Variants in RAD51B observed in about 807,000 individuals in gnomAD.
The protein encoded by RAD51B is RAD51 paralog B.
RAD51B carries 38 observed loss-of-function variants against 42.2 expected under a neutral mutation model. The ratio of observed to expected loss-of-function variants is 0.90; its 90% confidence interval spans 0.70 to 1.18. RAD51B has a LOEUF of 1.18. Among genes scored for constraint, RAD51B ranks in the 50% most tolerant of loss-of-function variants. The pLI is 0.00. For missense variants in RAD51B, 373 were observed against 400.7 expected (o/e 0.93, Z 0.59); for synonymous variants, 154 against 145.2 (o/e 1.06, Z -0.43).
intron 7 of RAD51B, among the ~76,000 whole-genome samples, chr14:68,268,168 G>A (rs1054333822): frequency 6.6e-5 from 10 of 152,158 alleles, no homozygotes; most frequent in Non-Finnish European, 1.3e-4. Flanking sequence ...TACCATTCTG[G>A]GAACTATCAC....
intron 7 of RAD51B, among the ~76,000 whole-genome samples, chr14:68,142,884 C>T (rs1362053040): frequency 6.6e-6 from 1 of 151,736 alleles, no homozygotes; most frequent in East Asian, 1.9e-4. Context: ...GAACACATCA[C>T]AGTTTTTATC....
intron 10 of RAD51B, among the ~76,000 whole-genome samples, chr14:68,526,434 G>A (rs1277036695): frequency 6.6e-6 from 1 of 152,204 alleles, no homozygotes; most frequent in Non-Finnish European, 1.5e-5. Context: ...GTCGTTAAGC[G>A]ACATGTGACC....
At chr14:68,210,191 C>T (rs1329517252) in intron 7 of RAD51B, among the ~76,000 whole-genome samples, 1 of 152,070 alleles carries the variant, frequency 6.6e-6, no homozygotes, top group Non-Finnish European at 1.5e-5. Context: ...AACTCCTGAC[C>T]TGAGGTAATC....
intron 7 of RAD51B, among the ~76,000 whole-genome samples, chr14:68,053,942 T>C (rs2140425273): frequency 6.6e-6 from 1 of 152,340 alleles, no homozygotes; most frequent in Middle Eastern, 3.4e-3. Context: ...TTTAGGCTGA[T>C]ACATTGTTCA....
intron 7 of RAD51B, among the ~76,000 whole-genome samples, chr14:68,118,751 G>T (rs2077592065): frequency 6.6e-6 from 1 of 152,044 alleles, no homozygotes; most frequent in Non-Finnish European, 1.5e-5. Flanking sequence ...CATTTGATTT[G>T]ATCCTCATTT....
At chr14:68,120,100 G>A (rs1187308029) in intron 7 of RAD51B, among the ~76,000 whole-genome samples, 2 of 151,994 alleles carry the variant, frequency 1.3e-5, no homozygotes, top group Non-Finnish European at 2.9e-5. Flanking sequence ...TGTGTTTTTT[G>A]GCTGCATAAA....
Position 68,278,100 on chromosome 14 carries a change from C to G in RAD51B, c.757-13784C>G, listed in dbSNP as rs895547033. 3.3e-5 allele frequency among the ~76,000 whole-genome samples: 5 copies of G among 152,246 alleles called. 1 individual carries two copies. The highest frequency in any genetic ancestry group is 1.2e-4 in the African/African-American group (5 of 41,472). ...CTACCAGTGCCAGAAATTTCCTACA[C>G]TTCTTGGCATCTTGCTTTTCTCTCC... On this transcript the variant is annotated intron_variant, in intron 7 of 10. Transcript: ENST00000471583.
rs546966279 is a variant in RAD51B at position 68,179,714 on chromosome 14, C to T, written c.757-112170C>T. On this transcript the variant is annotated intron_variant, in intron 7 of 10. Transcript: ENST00000471583. ...TAATAACATAATACAGAGAGGGATA[C>T]AAGTTGAAAAATGCTCTTCTATGTT... is the stretch of plus-strand genomic sequence containing the variant. Among the ~76,000 whole-genome samples, 6 of 152,062 alleles carry T rather than the reference C, an allele frequency of 3.9e-5. No individual in the cohort carries two copies. In the East Asian group the frequency reaches 1.2e-3, roughly 29 times the overall value.
chr14:68,548,975 C>G (rs1566934369), intron 10 of RAD51B, among the ~76,000 whole-genome samples: 1 of 152,300 alleles, frequency 6.6e-6, no homozygotes, highest in East Asian at 1.9e-4. Flanking sequence ...GAATAAAGAC[C>G]TAATTTGCAT....
At chr14:68,144,741 A>T (rs1383759628) in intron 7 of RAD51B, among the ~76,000 whole-genome samples, 3 of 152,126 alleles carry the variant, frequency 2.0e-5, no homozygotes, top group African/African-American at 7.2e-5. Context: ...GGGTTTGTCT[A>T]TGTTTTCTCA....
chr14:68,111,426 C>G (rs916809683), intron 7 of RAD51B, among the ~76,000 whole-genome samples: 1 of 152,110 alleles, frequency 6.6e-6, no homozygotes, highest in South Asian at 2.1e-4. Flanking sequence ...TAAAAGCAAG[C>G]AAATTTATAC....
chr14:67,823,498 T>C, intron 1 of RAD51B, 44 bp from the exon 2 acceptor site: 2 of 1,544,228 alleles, frequency 1.3e-6, no homozygotes, highest in Non-Finnish European at 1.8e-6. Flanking sequence ...TGTTATATTC[T>C]GTTGTTTTTT....
At chr14:68,039,426 CAAAAAA>C (rs754840073) in intron 7 of RAD51B, among the ~76,000 whole-genome samples, 11 of 63,828 alleles carry the variant, frequency 1.7e-4, no homozygotes, top group Non-Finnish European at 3.6e-4. Context: ...GACTTCATTC[CAAAAAA>C]AAAAAAAAAA....
At chr14:67,987,726 C>T (rs1018288337) in intron 7 of RAD51B, among the ~76,000 whole-genome samples, 1 of 152,148 alleles carries the variant, frequency 6.6e-6, no homozygotes, top group Non-Finnish European at 1.5e-5. Context: ...TTTATCTGAA[C>T]TTAACTGAAT....
chr14:68,241,502 A>G (rs977764100), intron 7 of RAD51B, among the ~76,000 whole-genome samples: 15 of 152,214 alleles, frequency 9.9e-5, no homozygotes, highest in African/African-American at 3.4e-4. Context: ...AGATCGCGCC[A>G]CTGCACTCCA....
chr14:68,662,825 C>G (rs1254175979), intron 11 of RAD51B, among the ~76,000 whole-genome samples: 1 of 152,232 alleles, frequency 6.6e-6, no homozygotes, highest in Admixed American at 6.5e-5. Context: ...AAAGCAGAAG[C>G]CTTCAGACAG....
intron 7 of RAD51B, among the ~76,000 whole-genome samples, chr14:67,955,815 A>G (rs772244737): frequency 2.0e-5 from 3 of 152,240 alleles, no homozygotes; most frequent in Non-Finnish European, 4.4e-5. Context: ...TGAATGTGTC[A>G]TTAAGAAGGA....
At chr14:68,414,924 C>G (rs2084516729) in intron 9 of RAD51B, among the ~76,000 whole-genome samples, 1 of 142,592 alleles carries the variant, frequency 7.0e-6, no homozygotes, top group African/African-American at 2.6e-5. Flanking sequence ...CCCAGCTACC[C>G]AGGAGGCTGA....
chr14:68,129,180 A>G (rs1441786270), intron 7 of RAD51B, among the ~76,000 whole-genome samples: 1 of 152,172 alleles, frequency 6.6e-6, no homozygotes, highest in African/African-American at 2.4e-5. Context: ...AGTAGAGCCT[A>G]AACTAGAACC....
Sources: allele counts gnomAD v4.1 joint callset (sites outside exome capture counted in the v4.1 genomes callset), GRCh38; gene constraint gnomAD v4.1.1; transcripts MANE v1.5; gene names NCBI Gene and HGNC (gene_info 2026-07-23, HGNC 2026-07-21).